PRIM2: variants seen among roughly 807,000 people sequenced by gnomAD.
PRIM2 encodes DNA primase subunit 2.
PRIM2 carries 39 observed loss-of-function variants against 67.3 expected under a neutral mutation model. The ratio of observed to expected loss-of-function variants is 0.58; its 90% CI spans 0.45 to 0.76. The LOEUF is 0.76. PRIM2 is among the 30% of genes least tolerant of loss of function. PRIM2 has a pLI of 0.00. For synonymous variants in PRIM2, 143 were observed against 198.7 expected, an observed-to-expected ratio of 0.72 and a Z score of 2.36; for missense variants, 398 against 598.7, an observed-to-expected ratio of 0.66 and a Z score of 3.50.
chr6:57,506,265 GCTT>G (rs1193607047), intron 7 of PRIM2, among the ~76,000 whole-genome samples: 3 of 151,784 alleles, frequency 2.0e-5, no homozygotes, highest in African/African-American at 7.3e-5. Flanking sequence ...AATTGGGAAA[GCTT>G]CTCCATTATT....
chr6:57,470,337 T>C (rs1431285797), intron 7 of PRIM2, among the ~76,000 whole-genome samples: 3 of 147,140 alleles, frequency 2.0e-5, no homozygotes, highest in Middle Eastern at 3.4e-3. Context: ...TCATTTAAAT[T>C]CCACCACAAA....
At chr6:57,436,311 T>C (rs1305938182) in intron 7 of PRIM2, among the ~76,000 whole-genome samples, 4 of 152,222 alleles carry the variant, frequency 2.6e-5, no homozygotes, top group Non-Finnish European at 5.9e-5. Context: ...CCATATCTTA[T>C]AAATCCTCAT....
At chr6:57,633,513 A>T (rs1458605703) in intron 13 of PRIM2, among the ~76,000 whole-genome samples, 9 of 152,142 alleles carry the variant, frequency 5.9e-5, no homozygotes, top group African/African-American at 2.2e-4. Context: ...TACTTGATAA[A>T]ATATCTCATA....
intron 7 of PRIM2, among the ~76,000 whole-genome samples, chr6:57,399,107 T>C (rs1448526379): frequency 1.3e-5 from 2 of 152,120 alleles, no homozygotes; most frequent in East Asian, 3.9e-4. Flanking sequence ...TTGTTACATA[T>C]GTATACATGT....
At chr6:57,288,315 T>C in the PRIM2 span, among the ~76,000 whole-genome samples, 1 of 152,202 alleles carries the variant, frequency 6.6e-6, no homozygotes, top group Admixed American at 6.6e-5. Flanking sequence ...TGGAGCCCAC[T>C]GCAGCTCAGC....
At chr6:57,612,281 T>C (rs1776681276) in intron 12 of PRIM2, among the ~76,000 whole-genome samples, 1 of 152,160 alleles carries the variant, frequency 6.6e-6, no homozygotes, top group Non-Finnish European at 1.5e-5. Flanking sequence ...AAAAATCTGT[T>C]CCTAAGTGTT....
intron 1 of PRIM2, among the ~76,000 whole-genome samples, chr6:57,317,947 A>T (rs1397527526): frequency 1.3e-5 from 2 of 152,156 alleles, no homozygotes; most frequent in Non-Finnish European, 2.9e-5. Context: ...GCTCCCGAAA[A>T]GGAGTTCCGA....
At chr6:57,440,897 G>T (rs1772182548) in intron 7 of PRIM2, among the ~76,000 whole-genome samples, 1 of 152,088 alleles carries the variant, frequency 6.6e-6, no homozygotes, top group Admixed American at 6.5e-5. Context: ...TTCAAACAAT[G>T]CCCTGGTGCA....
chr6:57,516,079 C>T (rs1328955836), intron 8 of PRIM2, among the ~76,000 whole-genome samples: 1 of 151,602 alleles, frequency 6.6e-6, no homozygotes, highest in African/African-American at 2.4e-5. Context: ...AGAGCCTTCC[C>T]ATGCTTCAGA....
At chr6:57,618,579 T>C (rs1300359314) in intron 12 of PRIM2, among the ~76,000 whole-genome samples, 5 of 152,162 alleles carry the variant, frequency 3.3e-5, no homozygotes, top group African/African-American at 1.2e-4. Flanking sequence ...TCTGGGTCTG[T>C]TGTGGGGGGC....
chr6:57,576,486 C>T (rs1775966447), intron 10 of PRIM2, among the ~76,000 whole-genome samples: 1 of 152,140 alleles, frequency 6.6e-6, no homozygotes, highest in Admixed American at 6.5e-5. Flanking sequence ...TTGGCAGAGC[C>T]ATCTTTCTGC....
rs1437470131 is a variant in PRIM2 at position 57,531,507 on chromosome 6, T to G, written c.762-904T>G. On this transcript the variant is annotated intron_variant, in intron 8 of 13. Transcript: ENST00000615550. Reference sequence around the variant, plus strand: ...TGTTTTTTGCTATGTCACACCTGCATGCACCTGAGTCTGTGTTCATGGAGT... The same window carrying G: ...TGTTTTTTGCTATGTCACACCTGCAGGCACCTGAGTCTGTGTTCATGGAGT... Among the ~76,000 whole-genome samples, 5 of 152,314 alleles carry G rather than the reference T, an allele frequency of 3.3e-5. No individual in the cohort carries two copies. The East Asian group carries it at 9.6e-4, about 29-fold the overall frequency.
At chr6:57,374,974 A>G (rs1404918028) in intron 5 of PRIM2, among the ~76,000 whole-genome samples, 2 of 152,254 alleles carry the variant, frequency 1.3e-5, no homozygotes, top group African/African-American at 2.4e-5. Context: ...GGGCTGAGAC[A>G]ATGGGGTTTT....
chr6:57,240,195 G>A, the PRIM2 span, among the ~76,000 whole-genome samples: 2 of 147,186 alleles, frequency 1.4e-5, no homozygotes, highest in African/African-American at 2.5e-5. Context: ...TCTGCCTCCC[G>A]GGTTCAAGCG....
chr6:57,264,652 A>G, the PRIM2 span, among the ~76,000 whole-genome samples: 7 of 134,938 alleles, frequency 5.2e-5, no homozygotes, highest in Admixed American at 4.3e-4. Context: ...GCTGGAGTGC[A>G]GTGGCACAGT....
intron 7 of PRIM2, among the ~76,000 whole-genome samples, chr6:57,437,164 A>G (rs2397296): frequency 3.9e-5 from 6 of 152,178 alleles, no homozygotes; most frequent in African/African-American, 1.2e-4. Flanking sequence ...CTGGACACTT[A>G]AACAACTAGA....
chr6:57,425,815 C>T (rs1458191520), intron 7 of PRIM2, among the ~76,000 whole-genome samples: 2 of 151,894 alleles, frequency 1.3e-5, no homozygotes, highest in Non-Finnish European at 2.9e-5. Flanking sequence ...TATAGTGTAC[C>T]TTTTTATTAA....
chr6:57,621,268 T>C (rs1776848812), intron 12 of PRIM2, among the ~76,000 whole-genome samples: 1 of 152,196 alleles, frequency 6.6e-6, no homozygotes. Flanking sequence ...GAGAACAAGC[T>C]AGCCAAATGC....
chr6:57,485,928 T>A (rs1773742776), intron 7 of PRIM2, among the ~76,000 whole-genome samples: 2 of 152,154 alleles, frequency 1.3e-5, no homozygotes, highest in Admixed American at 6.5e-5. Context: ...CAAAGCAGCA[T>A]AGGAGTGTGT....
Sources: gnomAD v4.1 joint callset for allele counts (sites outside exome capture counted in the v4.1 genomes callset) on GRCh38, gnomAD v4.1.1 for gene constraint, MANE v1.5 for transcripts, NCBI Gene and HGNC (gene_info 2026-07-23, HGNC 2026-07-21) for gene names.